SUN1: variants seen among roughly 807,000 people sequenced by gnomAD.
The protein encoded by SUN1 is Sad1 and UNC84 domain containing 1.
SUN1 carries 61 observed loss-of-function variants against 103.2 expected under a neutral mutation model. The ratio of observed to expected loss-of-function variants is 0.59; its 90% confidence interval spans 0.48 to 0.73. SUN1 has a LOEUF of 0.73. Among genes scored for constraint, SUN1 ranks in the 30% least tolerant of loss-of-function variants. SUN1 has a pLI of 0.00. For synonymous variants in SUN1, 490 were observed against 425.7 expected (o/e 1.15, Z -1.86); for missense variants, 1,052 against 1,034.6 (o/e 1.02, Z -0.23).
chr7:824,411 C>T (rs1789341287), intron 1 of SUN1, among the ~76,000 whole-genome samples: 1 of 152,128 alleles, frequency 6.6e-6, no homozygotes, highest in South Asian at 2.1e-4. Context: ...GTTGGCGGTC[C>T]CCATCGTACT....
rs551076611 is a variant in SUN1 at position 838,852 on chromosome 7, T to C, written c.132T>C (p.Pro44=). The change falls in exon 2 of 19, where the codon CCT becomes CCC. Residue 44 remains proline, a synonymous_variant. Coordinates refer to ENST00000401592, the MANE Select transcript of SUN1 (RefSeq NM_001130965.3). ...LDFETEHKLD[P]VFDSPRMSRR... is the part of the protein sequence containing the mutation. ...TTGAGACGGAGCACAAATTGGACCC[T>C]GTATTTGATTCTCCACGGATGTCCC... 6.3e-7 allele frequency: 1 copy of C among 1,584,316 alleles called. No homozygotes were observed.
chr7:849,619 T>C (rs766864762), intron 5 of SUN1: 16 of 1,501,560 alleles, frequency 1.1e-5, no homozygotes, highest in Middle Eastern at 1.8e-4. Flanking sequence ...TATGGCTTCG[T>C]TTTCCTGTGG....
At chr7:867,360 T>C (rs1046506501) in intron 16 of SUN1, among the ~76,000 whole-genome samples, 3 of 152,272 alleles carry the variant, frequency 2.0e-5, no homozygotes, top group Non-Finnish European at 4.4e-5. Context: ...CTGTGTCACC[T>C]GGCAGGGCCA....
intron 16 of SUN1, among the ~76,000 whole-genome samples, chr7:867,308 G>T (rs1837793395): frequency 6.6e-6 from 1 of 152,244 alleles, no homozygotes. Context: ...TTGGCATGCG[G>T]CTGCTTTTTC....
intron 14 of SUN1, 34 bp downstream of exon 14, chr7:860,416 C>G (rs1449795213): frequency 1.2e-6 from 2 of 1,606,286 alleles, no homozygotes; most frequent in South Asian, 1.1e-5. Context: ...GAGATGCTTA[C>G]AGTCCATTCT....
At chr7:850,777 A>AAAC (rs1821206658) in intron 5 of SUN1, 1 of 148,986 alleles carries the variant, frequency 6.7e-6, no homozygotes, top group Non-Finnish European at 1.5e-5. Flanking sequence ...TAAAAAAAAA[A>AAAC]AAAAACAAAA....
Position 849,028 on chromosome 7 carries a change from C to T in SUN1, c.659-2356C>T, listed in dbSNP as rs190716302. On this transcript the variant is annotated intron_variant, in intron 5 of 18. Transcript: ENST00000401592. ...GTGCAGTGGTGTGATCTCGGCTCACCGCAACCTCCGCCTCCTGGGTTCAAG... is the reference window on the plus strand; with the variant it reads ...GTGCAGTGGTGTGATCTCGGCTCACTGCAACCTCCGCCTCCTGGGTTCAAG... Among the ~76,000 whole-genome samples the T allele has an allele frequency of 1.7e-4, 26 of 151,970 alleles. No individual in the cohort carries two copies. In the East Asian group the frequency reaches 3.1e-3, roughly 18 times the overall value.
In SUN1 at chr7:866,013, T is replaced by C; in HGVS notation, c.1926T>C (p.Ser642=). ...ETYETKTALM[S]LFGIPLWYFS... is the part of the protein sequence containing the mutation. ...ACGAAACCAAAACGGCGCTGATGAG[T>C]CTGTTTGGGATCCCGCTGTGGTACT... Residue 642 remains serine, a synonymous_variant, in exon 16 of 19, where the codon AGT becomes AGC. Coordinates refer to ENST00000401592, the MANE Select transcript of SUN1 (RefSeq NM_001130965.3). 6.2e-7 allele frequency: 1 copy of C among 1,613,956 alleles called. No homozygotes were observed. The highest frequency in any genetic ancestry group is 8.5e-7 in the Non-Finnish European group (1 of 1,179,966).
At chr7:832,876 A>T in intron 1 of SUN1, 1 of 433,622 alleles carries the variant, frequency 2.3e-6, no homozygotes, top group South Asian at 3.5e-5. Context: ...TGTTGAGAAG[A>T]TGTCTCTGTG....
rs369039815 is a variant in SUN1, at chr7:856,290, T to G, written c.1351-68T>G. ...CCAGATAAATCAATGGAGTTTTAAG[T>G]ATGTGGTTTTATGAAAAGTTAATAT... On this transcript the variant is annotated intron_variant, in intron 11 of 18. Transcript: ENST00000401592. 7.3e-4 allele frequency: 1,085 copies of G among 1,482,572 alleles called. 1 individual carries two copies. The highest frequency in any genetic ancestry group is 1.0e-3 in the Non-Finnish European group (1,062 of 1,062,754). 91.8% of individuals were successfully genotyped at this position (1,482,572 alleles called of 1,614,324 possible).
At chr7:836,158 C>G (rs1802892108) in intron 1 of SUN1, among the ~76,000 whole-genome samples, 1 of 152,108 alleles carries the variant, frequency 6.6e-6, no homozygotes, top group Non-Finnish European at 1.5e-5. Flanking sequence ...TGGGCTGAGC[C>G]AAGCGTGTGT....
chr7:867,435 T>C (rs1243065454), intron 16 of SUN1, among the ~76,000 whole-genome samples: 2 of 152,210 alleles, frequency 1.3e-5, no homozygotes, highest in Non-Finnish European at 2.9e-5. Flanking sequence ...GGCCATAACA[T>C]CCTTCTCACA....
upstream of SUN1, among the ~76,000 whole-genome samples, chr7:828,964 C>T (rs117138664): frequency 7.6e-3 from 1,154 of 152,344 alleles, 54 homozygotes; most frequent in East Asian, 0.14. Context: ...AGTCCGTTTC[C>T]TTCCACCAGG....
At chr7:821,857 C>A (rs1786387119) in intron 1 of SUN1, among the ~76,000 whole-genome samples, 1 of 152,196 alleles carries the variant, frequency 6.6e-6, no homozygotes, top group African/African-American at 2.4e-5. Flanking sequence ...AGATTGGAAA[C>A]AGGACTATCT....
At chr7:866,775 ACCCCTCCCCGCCC>A (rs1585237159) in intron 16 of SUN1, among the ~76,000 whole-genome samples, 1 of 23,926 alleles carries the variant, frequency 4.2e-5, no homozygotes. Context: ...GCCTTCGCCC[ACCCCTCCCCGCCC>A]CCTTCTCCCT....
At chr7:829,924 G>A (rs1414934046), upstream of SUN1, among the ~76,000 whole-genome samples, 2 of 152,134 alleles carry the variant, frequency 1.3e-5, no homozygotes, top group South Asian at 2.1e-4. Flanking sequence ...CGCAGCTGAC[G>A]CCTGAGTGCT....
intron 13 of SUN1, 38 bp downstream of exon 13, chr7:857,995 G>A (rs564089073): frequency 6.6e-7 from 1 of 1,510,540 alleles, no homozygotes; most frequent in Admixed American, 2.3e-5. Flanking sequence ...TTTTATAATA[G>A]AAAGTAAAAG....
At position 853,043 on chromosome 7, in the gene SUN1, G is replaced by T. The variant is rs1823752832; in HGVS notation, c.1053+91G>T. The T allele has an allele frequency of 3.4e-6, 5 of 1,478,238 alleles. No individual in the cohort carries two copies. In the South Asian group the frequency reaches 5.5e-5, roughly 16 times the overall value. 91.6% of individuals were successfully genotyped at this position (1,478,238 alleles called of 1,614,324 possible). A position where few individuals can be genotyped will look rare whatever the true frequency, so the allele number is the denominator to read the frequency against. Reference sequence around the variant, plus strand: ...TGCTGTGAGCCAGGCACTTCAGTTGGGTGTCCTGTTGTAAGAAGTATTTTT... The same window carrying T: ...TGCTGTGAGCCAGGCACTTCAGTTGTGTGTCCTGTTGTAAGAAGTATTTTT... On this transcript the variant is annotated intron_variant, in intron 9 of 18. Transcript: ENST00000401592.
In SUN1 at chr7:874,330, T is replaced by A. The variant is rs1285479350; in HGVS notation, c.*999T>A. The A allele has an allele frequency of 6.5e-6, 1 of 152,680 alleles. No homozygotes were observed. The highest frequency in any genetic ancestry group is 1.9e-4 in the East Asian group (1 of 5,208). 9.5% of individuals were successfully genotyped at this position (152,680 alleles called of 1,614,324 possible). On this transcript the variant is annotated 3_prime_UTR_variant, in exon 19 of 19. Transcript: ENST00000401592. ...TGTCACCATTCTCACGTGATTCTTG[T>A]GAGACTCTTTTTGGTTATAATTACT...
Sources: gnomAD v4.1 joint callset for allele counts (sites outside exome capture counted in the v4.1 genomes callset) on GRCh38, gnomAD v4.1.1 for gene constraint, MANE v1.5 for transcripts, NCBI Gene and HGNC (gene_info 2026-07-23, HGNC 2026-07-21) for gene names.